DCAF4: variants seen among roughly 807,000 people sequenced by gnomAD.
DCAF4 encodes the protein DDB1- and CUL4-associated factor 4.
A neutral mutation model predicts 60.9 loss-of-function variants in DCAF4; 37 were observed. The observed-to-expected ratio is 0.61, with a 90% CI of 0.47 to 0.80. DCAF4 has a LOEUF of 0.80. Among genes scored for constraint, DCAF4 ranks in the 30% least tolerant of loss-of-function variants. The pLI, the probability that DCAF4 is intolerant of heterozygous loss-of-function variation, is 0.00. For missense variants in DCAF4, 577 were observed against 650.0 expected, an observed-to-expected ratio of 0.89 and a Z score of 1.22; for synonymous variants, 243 against 254.8, an observed-to-expected ratio of 0.95 and a Z score of 0.44.
intron 4 of DCAF4, 149 bp downstream of exon 4, chr14:72,940,526 G>A: frequency 1.4e-6 from 1 of 708,780 alleles, no homozygotes; most frequent in Non-Finnish European, 2.1e-6. Flanking sequence ...CTGACAGGAA[G>A]AAGACAAGAA....
At chr14:72,950,613 A>G (rs1891285046) in intron 8 of DCAF4, among the ~76,000 whole-genome samples, 1 of 152,158 alleles carries the variant, frequency 6.6e-6, no homozygotes, top group Admixed American at 6.6e-5. Context: ...GTCAAAAGAC[A>G]CACACGTAGG....
chr14:72,940,033 T>G, intron 3 of DCAF4, 131 bp downstream of exon 3: 1 of 1,173,784 alleles, frequency 8.5e-7, no homozygotes, highest in African/African-American at 1.6e-5. Flanking sequence ...TCAGGAATGG[T>G]GGTCATGAGG....
intron 11 of DCAF4, 49 bp from the exon 12 acceptor site, chr14:72,955,474 C>G: frequency 6.3e-7 from 1 of 1,593,726 alleles, no homozygotes; most frequent in Non-Finnish European, 8.6e-7. Flanking sequence ...TGCCCAGCCT[C>G]AGAGGGATGT....
At chr14:72,927,632 T>A (rs982609385) in intron 1 of DCAF4, among the ~76,000 whole-genome samples, 1 of 151,950 alleles carries the variant, frequency 6.6e-6, no homozygotes, top group Non-Finnish European at 1.5e-5. Context: ...ATTACAGGCG[T>A]GAGCCACCGC....
In DCAF4 at chr14:72,955,698, T is replaced by C; in HGVS notation, c.1179+2T>C. 6.2e-7 allele frequency: 1 copy of C among 1,611,722 alleles called. No individual in the cohort carries two copies. Among genetic ancestry groups the C allele is most frequent in the Non-Finnish European group, 8.5e-7 (1 of 1,178,516 alleles). On this transcript the variant is annotated splice_donor_variant, in intron 12 of 13. Transcript: ENST00000358377. LOFTEE classifies it high-confidence loss of function. ...ATGGCTTCAGACATGGCTGGAAAGG[T>C]AGGGGATCATGGACTTTCTCAGGCC...
At chr14:72,931,259 T>C (rs1252860214) in intron 1 of DCAF4, among the ~76,000 whole-genome samples, 3 of 116,646 alleles carry the variant, frequency 2.6e-5, no homozygotes, top group African/African-American at 3.0e-5. Context: ...TAAGTACTTT[T>C]TCTCTTTTTT....
intron 1 of DCAF4, among the ~76,000 whole-genome samples, chr14:72,932,131 G>T (rs569563333): frequency 6.6e-6 from 1 of 151,916 alleles, no homozygotes; most frequent in Non-Finnish European, 1.5e-5. Flanking sequence ...TGAGACTACA[G>T]GTGTGCACCA....
At chr14:72,950,808 A>G (rs1244956405) in intron 8 of DCAF4, among the ~76,000 whole-genome samples, 2 of 66,620 alleles carry the variant, frequency 3.0e-5, no homozygotes, top group Non-Finnish European at 3.9e-5. Context: ...CCATTTCTGT[A>G]TGTTTTTTTT....
rs17569391 is a variant in DCAF4, at chr14:72,959,359, C to G, written c.*554C>G. 0.1 allele frequency: 98,786 copies of G among 985,492 alleles called. 5,341 individuals are homozygous for G. The highest frequency in any genetic ancestry group is 0.2 in the South Asian group (4,183 of 21,280). 61.0% of individuals were successfully genotyped at this position (985,492 alleles called of 1,614,324 possible). A position where few individuals can be genotyped will look rare whatever the true frequency, so the allele number is the denominator to read the frequency against. On this transcript the variant is annotated 3_prime_UTR_variant, in exon 14 of 14. Transcript: ENST00000358377. ...GGCCTTCTCAAACTCAGCAGCAGATCTCCGGGATTCTGCTGTTATTATCCA... is the reference window on the plus strand; with the variant it reads ...GGCCTTCTCAAACTCAGCAGCAGATGTCCGGGATTCTGCTGTTATTATCCA...
chr14:72,959,094 A>C lies in DCAF4; in HGVS notation c.*289A>C. ...TAACCCTCCCTGCCTTTTCTTAACA[A>C]AAAGGACTTTTCTAAGGACTGAAGA... On this transcript the variant is annotated 3_prime_UTR_variant, in exon 14 of 14. Coordinates refer to ENST00000358377, the MANE Select transcript of DCAF4 (RefSeq NM_015604.4). 1 of 1,096,370 alleles carries C rather than the reference A, an allele frequency of 9.1e-7. No individual in the cohort carries two copies. 67.9% of individuals were successfully genotyped at this position (1,096,370 alleles called of 1,614,324 possible).
Position 72,943,115 on chromosome 14 carries a change from C to T in DCAF4, c.534+19C>T, listed in dbSNP as rs780402694. On this transcript the variant is annotated intron_variant, in intron 6 of 13. Coordinates refer to ENST00000358377, the MANE Select transcript of DCAF4 (RefSeq NM_015604.4). Reference sequence around the variant, plus strand: ...CATACTGGTGAGTGGGAGGGGGACACCTGCCTAGGGTGTGGCTGCCACCCT... The same window carrying T: ...CATACTGGTGAGTGGGAGGGGGACATCTGCCTAGGGTGTGGCTGCCACCCT... 9 of 1,611,010 alleles carry T rather than the reference C, an allele frequency of 5.6e-6. No individual in the cohort carries two copies. In the Admixed American group the frequency reaches 6.7e-5, roughly 12 times the overall value.
chr14:72,945,456 AT>A (rs995389400), intron 6 of DCAF4, among the ~76,000 whole-genome samples: 5 of 144,566 alleles, frequency 3.5e-5, no homozygotes, highest in Admixed American at 6.9e-5. Context: ...ATTCAATGCA[AT>A]TTTTTTTTCA....
Position 72,945,981 on chromosome 14 carries a change from C to T in DCAF4, c.632C>T (p.Thr211Met), listed in dbSNP as rs376362503. 5.0e-6 allele frequency: 8 copies of T among 1,614,010 alleles called. No homozygotes were observed. Among genetic ancestry groups the T allele is most frequent in the African/African-American group, 4.0e-5 (3 of 74,908 alleles). The change falls in exon 7 of 14, where the codon ACG becomes ATG. Residue 211 changes from threonine (T) to methionine (M), a missense_variant. Coordinates refer to ENST00000358377, the MANE Select transcript of DCAF4 (RefSeq NM_015604.4). ...AACCTGCAAAGTCTGAAGACCCCTA[C>T]GCTCAAGGTGTTCATGCACGAAAAC... Reference protein sequence around the residue: ...IINLQSLKTPTLKVFMHENLY... With the variant: ...IINLQSLKTPMLKVFMHENLY...
In DCAF4 at chr14:72,939,920, G is replaced by A. The variant is rs1224280807; in HGVS notation, c.193+18G>A. 7 of 1,585,066 alleles carry A rather than the reference G, an allele frequency of 4.4e-6. No homozygotes were observed. In the South Asian group the frequency reaches 5.7e-5, roughly 13 times the overall value. ...TGTGCCAGGTAAGGCCACTTGCGGG[G>A]TGGGAATCCTGGCCCTTGCACACAG... On this transcript the variant is annotated intron_variant, in intron 3 of 13. Coordinates refer to ENST00000358377, the MANE Select transcript of DCAF4 (RefSeq NM_015604.4).
At chr14:72,945,199 C>G (rs1567312496) in intron 6 of DCAF4, among the ~76,000 whole-genome samples, 1 of 152,050 alleles carries the variant, frequency 6.6e-6, no homozygotes, top group African/African-American at 2.4e-5. Context: ...TCAAGACCAG[C>G]CTGGACAACA....
chr14:72,928,446 C>T (rs1028466287), intron 1 of DCAF4, among the ~76,000 whole-genome samples: 10 of 151,530 alleles, frequency 6.6e-5, no homozygotes, highest in African/African-American at 1.5e-4. Context: ...CCGCCCGCCT[C>T]GGCCTCCCAA....
chr14:72,947,412 C>T (rs936894836), intron 8 of DCAF4, among the ~76,000 whole-genome samples: 1 of 152,230 alleles, frequency 6.6e-6, no homozygotes, highest in Non-Finnish European at 1.5e-5. Flanking sequence ...GGCTGTTTCT[C>T]AAGGTGACAT....
chr14:72,942,087 G>T, intron 5 of DCAF4: 2 of 421,282 alleles, frequency 4.7e-6, no homozygotes, highest in Non-Finnish European at 4.2e-6. Flanking sequence ...TCTATTCTCT[G>T]TTACTCGTAA....
chr14:72,954,255 C>T lies in DCAF4; in HGVS notation c.900C>T (p.Phe300=). ...WSLNIQANNC[F]STGLSRRVLL... The stretch of plus-strand genomic sequence containing the variant: ...TGAATATCCAAGCAAATAACTGCTT[C>T]AGTACAGGTGAGCCTGGCTCCCCAG... Residue 300 remains phenylalanine (F), a synonymous_variant, in exon 10 of 14, where the codon TTC becomes TTT. Transcript: ENST00000358377. The T allele has an allele frequency of 1.2e-5, 20 of 1,614,220 alleles. No individual in the cohort carries two copies. The highest frequency in any genetic ancestry group is 1.7e-5 in the Non-Finnish European group (20 of 1,180,042).
Sources: gnomAD v4.1 joint callset for allele counts (sites outside exome capture counted in the v4.1 genomes callset) on GRCh38, gnomAD v4.1.1 for gene constraint, MANE v1.5 for transcripts, NCBI Gene and HGNC (gene_info 2026-07-23, HGNC 2026-07-21) for gene names.